Variants in MTHFD1 observed in about 807,000 individuals in gnomAD.
MTHFD1 encodes the protein methylenetetrahydrofolate dehydrogenase, cyclohydrolase and formyltetrahydrofolate synthetase 1.
MTHFD1 carries 44 observed loss-of-function variants against 110.3 expected under a neutral mutation model. The ratio of observed to expected loss-of-function variants is 0.40; its 90% confidence interval spans 0.31 to 0.51. The LOEUF is 0.51. MTHFD1 is among the 20% of genes least tolerant of loss of function. The pLI is 0.60. For synonymous variants in MTHFD1, 402 were observed against 428.8 expected (o/e 0.94, Z 0.77); for missense variants, 909 against 1,173.1 (o/e 0.77, Z 3.29).
At chr14:64,443,186 T>A (rs1489487630) in intron 21 of MTHFD1, among the ~76,000 whole-genome samples, 1 of 152,222 alleles carries the variant, frequency 6.6e-6, no homozygotes, top group East Asian at 1.9e-4. Flanking sequence ...GTAGCAGTTC[T>A]CTGTTTTGGC....
At chr14:64,441,304 G>C in intron 18 of MTHFD1, 81 bp from the exon 19 acceptor site, 1 of 1,309,538 alleles carries the variant, frequency 7.6e-7, no homozygotes, top group Non-Finnish European at 1.1e-6. Flanking sequence ...ACATGGGTAA[G>C]CCTAGAATGT....
chr14:64,424,687 A>G, intron 8 of MTHFD1, 117 bp from the exon 9 acceptor site: 2 of 1,076,086 alleles, frequency 1.9e-6, no homozygotes, highest in Non-Finnish European at 2.8e-6. Flanking sequence ...TAAGTTAAGT[A>G]GGCACTGGAG....
intron 2 of MTHFD1, among the ~76,000 whole-genome samples, chr14:64,403,892 G>C (rs964362843): frequency 1.3e-5 from 2 of 152,250 alleles, no homozygotes; most frequent in African/African-American, 4.8e-5. Context: ...CTTCATCAAG[G>C]GTGGTCCTAG....
intron 2 of MTHFD1, among the ~76,000 whole-genome samples, chr14:64,406,735 G>T (rs1235666544): frequency 6.6e-6 from 1 of 152,114 alleles, no homozygotes; most frequent in Non-Finnish European, 1.5e-5. Context: ...GCCTCCCAAA[G>T]TGCCGAGTCA....
At chr14:64,408,721 C>T (rs1019146838) in intron 2 of MTHFD1, among the ~76,000 whole-genome samples, 1 of 152,192 alleles carries the variant, frequency 6.6e-6, no homozygotes, top group Non-Finnish European at 1.5e-5. Context: ...CAGGCTGAGG[C>T]AGGAGGATTG....
intron 22 of MTHFD1, among the ~76,000 whole-genome samples, chr14:64,447,394 T>A (rs910326071): frequency 6.6e-6 from 1 of 151,362 alleles, no homozygotes; most frequent in Admixed American, 6.6e-5. Context: ...GACCTTGTGA[T>A]CCACCTGCCT....
At chr14:64,390,951 G>C (rs940000714) in intron 1 of MTHFD1, among the ~76,000 whole-genome samples, 9 of 151,918 alleles carry the variant, frequency 5.9e-5, no homozygotes, top group African/African-American at 1.9e-4. Flanking sequence ...ACCGGTCCTA[G>C]AATTTCTTAA....
chr14:64,449,138 G>A, intron 23 of MTHFD1: 1 of 422,962 alleles, frequency 2.4e-6, no homozygotes, highest in South Asian at 2.1e-5. Context: ...GATTCCTTCT[G>A]GAGTGCTGGG....
At chr14:64,454,581 AG>A (rs1460760941) in intron 25 of MTHFD1, 141 bp from the exon 26 acceptor site, 2 of 673,410 alleles carry the variant, frequency 3.0e-6, no homozygotes, top group Non-Finnish European at 2.6e-6. Context: ...AATAAGCTGG[AG>A]GACAGCAAGA....
intron 2 of MTHFD1, among the ~76,000 whole-genome samples, chr14:64,402,611 G>A (rs962480086): frequency 1.3e-5 from 2 of 152,008 alleles, no homozygotes; most frequent in Non-Finnish European, 2.9e-5. Context: ...AAAAGCACAA[G>A]TGCAGCCTGG....
intron 19 of MTHFD1, chr14:64,441,773 A>G (rs2078251361): frequency 5.3e-6 from 3 of 561,116 alleles, no homozygotes; most frequent in Non-Finnish European, 6.3e-6. Context: ...ACTGCACTCC[A>G]GACTGGGCGA....
intron 15 of MTHFD1, among the ~76,000 whole-genome samples, chr14:64,435,045 G>A (rs1211314952): frequency 4.7e-5 from 7 of 149,970 alleles, no homozygotes; most frequent in Non-Finnish European, 1.0e-4. Flanking sequence ...TACCTCCTGG[G>A]TTCAAGCAGT....
At chr14:64,436,777 ATATTT>A (rs1429024535) in intron 16 of MTHFD1, among the ~76,000 whole-genome samples, 1 of 152,214 alleles carries the variant, frequency 6.6e-6, no homozygotes, top group Non-Finnish European at 1.5e-5. Flanking sequence ...AAATGGTATA[ATATTT>A]TATAAGGAAT....
chr14:64,399,650 C>T lies in MTHFD1; in HGVS notation c.42-1143C>T, dbSNP rs1372201495. The stretch of plus-strand genomic sequence containing the variant: ...CTCCAGCCTGGGCAAAAGCGAGTCC[C>T]CATCTCAAAAAAAAAAAAAAAAAAA... On this transcript the variant is annotated intron_variant, in intron 1 of 27. Coordinates refer to ENST00000652337, the MANE Select transcript of MTHFD1 (RefSeq NM_005956.4). Among the ~76,000 whole-genome samples, 6 of 112,326 alleles carry T rather than the reference C, an allele frequency of 5.3e-5. No individual in the cohort carries two copies. In the East Asian group the frequency reaches 1.3e-3, roughly 25 times the overall value. 73.7% of individuals were successfully genotyped at this position (112,326 alleles called of 152,430 possible). A position where few individuals can be genotyped will look rare whatever the true frequency, so the allele number is the denominator to read the frequency against.
intron 7 of MTHFD1, among the ~76,000 whole-genome samples, chr14:64,418,381 G>A (rs1017426864): frequency 1.3e-5 from 2 of 150,536 alleles, no homozygotes; most frequent in South Asian, 2.1e-4. Flanking sequence ...AGCCCAGGAG[G>A]TCGAGGCTGC....
At chr14:64,396,551 CCAGTT>C (rs1458444874) in intron 1 of MTHFD1, among the ~76,000 whole-genome samples, 1 of 145,916 alleles carries the variant, frequency 6.9e-6, no homozygotes, top group Admixed American at 7.1e-5. Flanking sequence ...GCCACCGCTC[CCAGTT>C]AATTTTTTTT....
intron 7 of MTHFD1, 79 bp downstream of exon 7, chr14:64,418,103 C>T: frequency 1.3e-6 from 2 of 1,529,760 alleles, no homozygotes; most frequent in East Asian, 2.2e-5. Context: ...CCTTTACACT[C>T]ATGACCTCAT....
chr14:64,453,877 G>T lies in MTHFD1; in HGVS notation c.2565+16G>T. 6.6e-7 allele frequency: 1 copy of T among 1,520,476 alleles called. No homozygotes were observed. Among genetic ancestry groups the T allele is most frequent in the Non-Finnish European group, 9.1e-7 (1 of 1,095,522 alleles). 94.2% of individuals were successfully genotyped at this position (1,520,476 alleles called of 1,614,324 possible). The stretch of plus-strand genomic sequence containing the variant: ...CACGAAGCAGGTAGATGTTTGGTTA[G>T]TTTGTCCTTTCAACTCTTTGCAAAG... On this transcript the variant is annotated intron_variant, in intron 25 of 27. Coordinates refer to ENST00000652337, the MANE Select transcript of MTHFD1 (RefSeq NM_005956.4).
chr14:64,388,395 G>A lies in MTHFD1; in HGVS notation c.-33G>A, dbSNP rs1384660731. The stretch of plus-strand genomic sequence containing the variant: ...AGGGAGTGGAACCTCGATATTGGTG[G>A]TGTCCATCGTGGGCAGCGGACTAAT... On this transcript the variant is annotated 5_prime_UTR_variant, in exon 1 of 28. It adds an upstream start codon to the 5' untranslated region. Transcript: ENST00000652337. The A allele has an allele frequency of 1.1e-5, 17 of 1,614,086 alleles. No individual in the cohort carries two copies. The highest frequency in any genetic ancestry group is 1.4e-5 in the Non-Finnish European group (17 of 1,180,042).
Sources: gnomAD v4.1 joint callset for allele counts (sites outside exome capture counted in the v4.1 genomes callset) on GRCh38, gnomAD v4.1.1 for gene constraint, MANE v1.5 for transcripts, NCBI Gene and HGNC (gene_info 2026-07-23, HGNC 2026-07-21) for gene names.